Variants in TRPM3 observed in about 807,000 individuals in gnomAD.
TRPM3 encodes long transient receptor potential channel 3.
In TRPM3, 77 loss-of-function variants were observed where a neutral mutation model predicts 181.2. The observed-to-expected ratio is 0.42, with a 90% CI of 0.35 to 0.51. TRPM3 has a LOEUF of 0.51. TRPM3 is among the 20% of genes least tolerant of loss of function. The pLI, the probability that TRPM3 is intolerant of heterozygous loss-of-function variation, is 0.01. For synonymous variants in TRPM3, 745 were observed against 796.4 expected (o/e 0.94, Z 1.09); for missense variants, 1,759 against 2,196.7 (o/e 0.80, Z 3.98).
intron 1 of TRPM3, among the ~76,000 whole-genome samples, chr9:70,990,282 T>A (rs2097465371): frequency 6.6e-6 from 1 of 152,180 alleles, no homozygotes; most frequent in Admixed American, 6.5e-5. Flanking sequence ...TGTACAGGCA[T>A]GAAACAACAA....
At chr9:70,839,273 G>A (rs1186428054) in intron 5 of TRPM3, among the ~76,000 whole-genome samples, 1 of 152,118 alleles carries the variant, frequency 6.6e-6, no homozygotes, top group East Asian at 1.9e-4. Context: ...TCTAAGTTGG[G>A]TTCTGAGAAT....
chr9:71,300,413 G>C (rs748735494), intron 1 of TRPM3, among the ~76,000 whole-genome samples: 54 of 152,004 alleles, frequency 3.6e-4, no homozygotes, highest in Non-Finnish European at 6.5e-4. Context: ...GCTTATGTAA[G>C]GTCTGTTAGT....
intron 1 of TRPM3, among the ~76,000 whole-genome samples, chr9:71,049,302 C>G (rs1400781839): frequency 6.6e-6 from 1 of 152,120 alleles, no homozygotes; most frequent in African/African-American, 2.4e-5. Flanking sequence ...AGCCCAAATT[C>G]TCAGGGTCAG....
At chr9:71,116,149 T>A (rs2072327911) in intron 1 of TRPM3, among the ~76,000 whole-genome samples, 1 of 152,228 alleles carries the variant, frequency 6.6e-6, no homozygotes. Context: ...CTTCATGGAA[T>A]TAGTCCATTA....
At chr9:71,061,944 A>C (rs531285961) in intron 1 of TRPM3, among the ~76,000 whole-genome samples, 1 of 152,050 alleles carries the variant, frequency 6.6e-6, no homozygotes, top group South Asian at 2.1e-4. Flanking sequence ...CTGTGACCCC[A>C]ATGACCTAAA....
At chr9:70,841,789 T>C (rs922362331) in intron 5 of TRPM3, among the ~76,000 whole-genome samples, 4 of 150,484 alleles carry the variant, frequency 2.7e-5, no homozygotes, top group African/African-American at 7.3e-5. Context: ...TGCAGCAACA[T>C]GGATGGAACT....
intron 1 of TRPM3, among the ~76,000 whole-genome samples, chr9:71,184,709 T>C (rs2077579033): frequency 2.0e-5 from 3 of 152,158 alleles, no homozygotes; most frequent in South Asian, 2.1e-4. Context: ...TTTTCTTCTG[T>C]CTTGTTGCCC....
chr9:70,579,649 C>A (rs1043632997), intron 22 of TRPM3, among the ~76,000 whole-genome samples: 1 of 152,130 alleles, frequency 6.6e-6, no homozygotes, highest in African/African-American at 2.4e-5. Context: ...AGCTAGGAAG[C>A]CCGTGCCCGC....
chr9:71,140,032 G>A (rs529304885), intron 1 of TRPM3, among the ~76,000 whole-genome samples: 13 of 152,228 alleles, frequency 8.5e-5, no homozygotes, highest in African/African-American at 2.9e-4. Flanking sequence ...TTGAGGAGGT[G>A]ATACCTAGAG....
intron 5 of TRPM3, among the ~76,000 whole-genome samples, chr9:70,828,971 G>A (rs2093726692): frequency 6.6e-6 from 1 of 152,134 alleles, no homozygotes; most frequent in Non-Finnish European, 1.5e-5. Flanking sequence ...AACATAAGAT[G>A]ATGGGTTGGA....
At chr9:70,894,231 T>C (rs369604672) in intron 1 of TRPM3, among the ~76,000 whole-genome samples, 6 of 152,274 alleles carry the variant, frequency 3.9e-5, no homozygotes, top group Admixed American at 1.3e-4. Context: ...AATGAACATA[T>C]AGAATAACAT....
At chr9:70,827,100 A>G (rs900099286) in intron 6 of TRPM3, 19 of 152,252 alleles carry the variant, frequency 1.2e-4, no homozygotes, top group Admixed American at 2.6e-4. Context: ...ATATACATCT[A>G]TCTATATCTA....
upstream of TRPM3, among the ~76,000 whole-genome samples, chr9:71,123,112 T>C (rs1041557789): frequency 6.6e-6 from 1 of 152,238 alleles, no homozygotes; most frequent in Non-Finnish European, 1.5e-5. Flanking sequence ...GGAATCTGGA[T>C]TGAAACCAGT....
At chr9:70,778,470 A>ATCTATAATAAG (rs2081873724) in intron 7 of TRPM3, among the ~76,000 whole-genome samples, 3 of 152,184 alleles carry the variant, frequency 2.0e-5, no homozygotes, top group Non-Finnish European at 4.4e-5. Flanking sequence ...CTTGGAAAAC[A>ATCTATAATAAG]GTTTACAAAA....
At chr9:71,271,576 C>A (rs1444264815) in intron 1 of TRPM3, among the ~76,000 whole-genome samples, 3 of 151,280 alleles carry the variant, frequency 2.0e-5, no homozygotes, top group Non-Finnish European at 4.4e-5. Context: ...TTCTACCCAG[C>A]AGAAGAGGGG....
chr9:71,423,307 A>C (rs1191800184), intron 1 of TRPM3, among the ~76,000 whole-genome samples: 1 of 152,134 alleles, frequency 6.6e-6, no homozygotes, highest in Non-Finnish European at 1.5e-5. Context: ...TTTTTAAAGA[A>C]CTACCCTCTA....
Position 70,532,502 on chromosome 9 carries a change from T to C in TRPM3, c.*3451A>G, listed in dbSNP as rs1232250567. The C allele has an allele frequency of 6.6e-6, 1 of 152,168 alleles. No homozygotes were observed. The highest frequency in any genetic ancestry group is 1.9e-4 in the East Asian group (1 of 5,198). The allele number at this position is 152,168 out of a possible 1,614,324, so 9.4% of individuals were successfully genotyped here. A position where few individuals can be genotyped will look rare whatever the true frequency, so the allele number is the denominator to read the frequency against. Reference sequence around the variant, plus strand: ...TACACCTTTTGGCTTGCAGAGATAATACAAACTAGTCATGAAAATTGTACC... The same window carrying C: ...TACACCTTTTGGCTTGCAGAGATAACACAAACTAGTCATGAAAATTGTACC... On this transcript the variant is annotated 3_prime_UTR_variant, in exon 26 of 26. Coordinates refer to ENST00000677713, the MANE Select transcript of TRPM3 (RefSeq NM_001366145.2).
intron 12 of TRPM3, among the ~76,000 whole-genome samples, chr9:70,634,395 G>A (rs1226262716): frequency 6.6e-6 from 1 of 152,166 alleles, no homozygotes; most frequent in Non-Finnish European, 1.5e-5. Context: ...TTACAGGCAT[G>A]AGTCTCTGTG....
chr9:71,438,620 C>T (rs775699695), intron 1 of TRPM3, among the ~76,000 whole-genome samples: 11 of 152,324 alleles, frequency 7.2e-5, no homozygotes, highest in Admixed American at 1.3e-4. Context: ...CTGCCGTAAG[C>T]AGTGATTGTG....
Sources: gnomAD v4.1 joint callset for allele counts (sites outside exome capture counted in the v4.1 genomes callset) on GRCh38, gnomAD v4.1.1 for gene constraint, MANE v1.5 for transcripts, NCBI Gene and HGNC (gene_info 2026-07-23, HGNC 2026-07-21) for gene names.